TBC1D9: variants seen among roughly 807,000 people sequenced by gnomAD.
TBC1D9 encodes TBC1 domain family member 9.
In TBC1D9, 63 loss-of-function variants were observed where a neutral mutation model predicts 132.0. The ratio of observed to expected loss-of-function variants is 0.48; its 90% CI spans 0.39 to 0.59. The LOEUF (loss-of-function observed/expected upper bound fraction) is 0.59, where lower values mean the gene tolerates loss of function less well. Ranked by LOEUF, TBC1D9 falls within the 20% of genes least tolerant of loss-of-function variation. The pLI is 0.00. For synonymous variants in TBC1D9, 610 were observed against 609.9 expected, an observed-to-expected ratio of 1.00 and a Z score of 0.00; for missense variants, 1,261 against 1,592.7, an observed-to-expected ratio of 0.79 and a Z score of 3.54.
chr4:140,622,534 G>A lies in TBC1D9; in HGVS notation c.3462C>T (p.Asp1154=), dbSNP rs1210816362. Residue 1154 remains aspartate (D), a synonymous_variant, in exon 21 of 21, where the codon GAC becomes GAT. Coordinates refer to ENST00000442267, the MANE Select transcript of TBC1D9 (RefSeq NM_015130.3). ...ACATGGAGCTGTCGTCCTTGGTGTC[G>A]TCGTCAGAGATCAGCATGGAGGAGC... ...GACSSMLISD[D]DTKDDSSMSS... 3 of 1,614,050 alleles carry A rather than the reference G, an allele frequency of 1.9e-6. No homozygotes were observed. The highest frequency in any genetic ancestry group is 2.2e-5 in the East Asian group (1 of 44,888).
chr4:140,663,039 A>G (rs1179470717), intron 9 of TBC1D9, among the ~76,000 whole-genome samples: 1 of 152,194 alleles, frequency 6.6e-6, no homozygotes, highest in Non-Finnish European at 1.5e-5. Flanking sequence ...GGGCAGCAAA[A>G]GCAAAAATCA....
intron 9 of TBC1D9, among the ~76,000 whole-genome samples, chr4:140,667,154 A>G (rs1356620479): frequency 2.0e-5 from 3 of 152,080 alleles, no homozygotes; most frequent in Non-Finnish European, 1.5e-5. Context: ...TGCTCTCTTC[A>G]TGATAGGCTG....
At chr4:140,731,662 A>AACAC (rs1281083646) in intron 1 of TBC1D9, among the ~76,000 whole-genome samples, 1 of 138,732 alleles carries the variant, frequency 7.2e-6, no homozygotes, top group Non-Finnish European at 1.6e-5. Context: ...ATAGTTTTAA[A>AACAC]ACACATACAC....
chr4:140,685,428 T>C (rs930938288), intron 3 of TBC1D9, among the ~76,000 whole-genome samples: 8 of 152,138 alleles, frequency 5.3e-5, no homozygotes, highest in Admixed American at 3.9e-4. Context: ...TCATAATATC[T>C]GACGAAATGC....
Position 140,627,462 on chromosome 4 carries a change from T to C in TBC1D9, c.2878A>G (p.Ile960Val), listed in dbSNP as rs1486257374. Residue 960 changes from isoleucine (I) to valine (V), a missense_variant, in exon 18 of 21, where the codon ATT becomes GTT. Physicochemically the swap from Ile to Val is conservative, Grantham distance 29. Transcript: ENST00000442267. ...TTACCATGTGTACATTCTGGGGTAA[T>C]ATCTTCAAAGAAGTACTGAGTTGCT... ...FEATQYFFED[I>V]TPECTHVVGL... 6.2e-7 allele frequency: 1 copy of C among 1,608,870 alleles called. No individual in the cohort carries two copies. Among genetic ancestry groups the C allele is most frequent in the Non-Finnish European group, 8.5e-7 (1 of 1,176,412 alleles).
intron 13 of TBC1D9, chr4:140,642,559 G>C: frequency 2.8e-6 from 3 of 1,052,922 alleles, no homozygotes; most frequent in Non-Finnish European, 4.3e-6. Context: ...GGCCTTTGTC[G>C]AGCTTGCTTG....
intron 6 of TBC1D9, 28 bp from the exon 7 acceptor site, chr4:140,670,954 T>TTA (rs1290102342): frequency 6.2e-7 from 1 of 1,606,200 alleles, no homozygotes; most frequent in Middle Eastern, 1.7e-4. Context: ...ACAAAGAGCA[T>TTA]TATTTTCCAA....
intron 12 of TBC1D9, 138 bp downstream of exon 12, chr4:140,657,389 C>T (rs932729258): frequency 1.5e-6 from 2 of 1,341,982 alleles, no homozygotes; most frequent in Admixed American, 2.3e-5. Context: ...AAAGAAAAAG[C>T]ATATGAAAAT....
intron 1 of TBC1D9, among the ~76,000 whole-genome samples, chr4:140,712,669 G>C (rs1280368639): frequency 6.6e-6 from 1 of 151,430 alleles, no homozygotes; most frequent in Non-Finnish European, 1.5e-5. Flanking sequence ...TTGAACCCGG[G>C]AGGCGGAGGT....
chr4:140,643,959 T>C, intron 13 of TBC1D9: 1 of 610,602 alleles, frequency 1.6e-6, no homozygotes, highest in Non-Finnish European at 3.1e-6. Context: ...CACCTTCGCC[T>C]CCTGTTCAGC....
chr4:140,671,674 C>CTGGGTGTGTGTGTGTG (rs1737537080), intron 6 of TBC1D9, among the ~76,000 whole-genome samples: 1 of 141,722 alleles, frequency 7.1e-6, no homozygotes, highest in African/African-American at 2.8e-5. Context: ...AACTACCAGA[C>CTGGGTGTGTGTGTGTG]TGTGTGTGTG....
chr4:140,717,540 G>A (rs554873289), intron 1 of TBC1D9, among the ~76,000 whole-genome samples: 7 of 152,264 alleles, frequency 4.6e-5, no homozygotes, highest in African/African-American at 1.7e-4. Context: ...TAATTTATCT[G>A]AAGCATATAC....
intron 1 of TBC1D9, among the ~76,000 whole-genome samples, chr4:140,726,649 T>C (rs1738505902): frequency 6.6e-6 from 1 of 152,194 alleles, no homozygotes; most frequent in Non-Finnish European, 1.5e-5. Context: ...GGTAAAATTA[T>C]AAAACCAATG....
intron 1 of TBC1D9, among the ~76,000 whole-genome samples, chr4:140,709,502 T>TAA (rs35990752): frequency 8.9e-5 from 13 of 146,750 alleles, no homozygotes; most frequent in African/African-American, 2.3e-4. Flanking sequence ...TATGGAATAC[T>TAA]AAAAAAAAAA....
chr4:140,713,681 G>GT (rs1377070703), intron 1 of TBC1D9, among the ~76,000 whole-genome samples: 2 of 151,862 alleles, frequency 1.3e-5, no homozygotes, highest in Non-Finnish European at 2.9e-5. Context: ...AGAGGGTGCA[G>GT]TGAGTTAAGA....
At chr4:140,745,205 T>G (rs1225809431) in intron 1 of TBC1D9, among the ~76,000 whole-genome samples, 2 of 152,222 alleles carry the variant, frequency 1.3e-5, no homozygotes, top group Non-Finnish European at 2.9e-5. Context: ...CTTGGACATG[T>G]TCTCAGGACC....
intron 13 of TBC1D9, chr4:140,642,349 C>T (rs1347677154): frequency 6.1e-6 from 5 of 819,752 alleles, no homozygotes; most frequent in East Asian, 2.7e-5. Context: ...CTGGCTTTGG[C>T]GGCCCTTTTG....
At chr4:140,658,269 C>T (rs1737302664) in intron 11 of TBC1D9, among the ~76,000 whole-genome samples, 1 of 152,116 alleles carries the variant, frequency 6.6e-6, no homozygotes, top group Admixed American at 6.5e-5. Context: ...ACAGTAGAGC[C>T]TTACTACACA....
At chr4:140,664,616 T>C (rs560608644) in intron 9 of TBC1D9, among the ~76,000 whole-genome samples, 1 of 152,282 alleles carries the variant, frequency 6.6e-6, no homozygotes, top group Non-Finnish European at 1.5e-5. Context: ...GGCATAAAGA[T>C]AGACATACAG....
Sources: allele counts gnomAD v4.1 joint callset (sites outside exome capture counted in the v4.1 genomes callset), GRCh38; gene constraint gnomAD v4.1.1; transcripts MANE v1.5; gene names NCBI Gene and HGNC (gene_info 2026-07-23, HGNC 2026-07-21).